PHEX: variants seen among roughly 807,000 people sequenced by gnomAD.
The protein encoded by PHEX is phosphate regulating endopeptidase X-linked, also known as phosphate-regulating neutral endopeptidase PHEX.
PHEX carries 16 observed loss-of-function variants against 68.0 expected under a neutral mutation model. The observed-to-expected ratio is 0.24, with a 90% CI of 0.16 to 0.36. The LOEUF is 0.36. Among genes scored for constraint, PHEX ranks in the 10% least tolerant of loss-of-function variants. The pLI is 1.00. For synonymous variants in PHEX, 208 were observed against 205.1 expected, an observed-to-expected ratio of 1.01 and a Z score of -0.12; for missense variants, 480 against 575.5, an observed-to-expected ratio of 0.83 and a Z score of 1.70.
At position 22,238,215 on chromosome X, in the gene PHEX, G is replaced by T. The variant is rs1029803901; in HGVS notation, c.2071-7118G>T. 8.0e-5 allele frequency among the ~76,000 whole-genome samples: 9 copies of T among 112,479 alleles called. 1 individual carries two copies. The highest frequency in any genetic ancestry group is 1.9e-4 in the African/African-American group (6 of 30,959). On this transcript the variant is annotated intron_variant, in intron 20 of 21. Coordinates refer to ENST00000379374, the MANE Select transcript of PHEX (RefSeq NM_000444.6). ...TTGACACAGAAGGCGGGTGATTTCT[G>T]CATTTCCAACTGAGGTACCCGGTTC...
chrX:22,218,209 C>A (rs1268270357), intron 16 of PHEX, among the ~76,000 whole-genome samples: 1 of 111,118 alleles, frequency 9.0e-6, no homozygotes, highest in African/African-American at 3.3e-5. Flanking sequence ...CAAGTGACTT[C>A]CAAGAAGGTG....
chrX:22,209,112 G>A (rs1258107186), intron 15 of PHEX, among the ~76,000 whole-genome samples: 1 of 111,569 alleles, frequency 9.0e-6, no homozygotes, highest in Non-Finnish European at 1.9e-5. Context: ...AGGGTTACAT[G>A]AAATTGGAAG....
chrX:22,126,371 T>C (rs1284300497), intron 11 of PHEX, among the ~76,000 whole-genome samples: 1 of 111,844 alleles, frequency 8.9e-6, no homozygotes, highest in Non-Finnish European at 1.9e-5. Flanking sequence ...TTCATGGGTA[T>C]GAGATAGGAT....
At position 22,247,902 on chromosome X, in the gene PHEX, T is replaced by C; in HGVS notation, c.2199T>C (p.Cys733=). 1 of 1,209,240 alleles carries C rather than the reference T, an allele frequency of 8.3e-7. No individual in the cohort carries two copies. Among genetic ancestry groups the C allele is most frequent in the South Asian group, 1.8e-5 (1 of 56,916 alleles). The change falls in exon 22 of 22, where the codon TGT becomes TGC. Residue 733 remains cysteine (C), a synonymous_variant. Transcript: ENST00000379374. ...AAGAATTCCAGAAAGCTTTTAACTG[T>C]CCACCCAATTCCACGATGAACAGAG... The part of the protein sequence containing the change: ...NFEEFQKAFN[C]PPNSTMNRGM...
rs747454033 is a variant in PHEX, at chrX:22,080,431, GATATA to G, written c.663+2737_663+2741del. ...CATCTGAACTAATTGCCTTCCCTCA[GATATA>G]ATATAATTATAGTCTTCCTGATGAC... On this transcript the variant is annotated intron_variant, in intron 5 of 21. Coordinates refer to ENST00000379374, the MANE Select transcript of PHEX (RefSeq NM_000444.6). Among the ~76,000 whole-genome samples the G allele has an allele frequency of 7.2e-3, 802 of 111,111 alleles. 6 individuals carry two copies. The highest frequency in any genetic ancestry group is 0.025 in the African/African-American group (760 of 30,563).
chrX:22,077,885 GT>G (rs1929229685), intron 5 of PHEX, among the ~76,000 whole-genome samples, 183 bp downstream of exon 5: 1 of 112,117 alleles, frequency 8.9e-6, no homozygotes, highest in Admixed American at 9.5e-5. Context: ...TACCATACAA[GT>G]TTTGTAAGCC....
chrX:22,148,607 G>A (rs1203976785), intron 12 of PHEX, among the ~76,000 whole-genome samples: 1 of 110,601 alleles, frequency 9.0e-6, no homozygotes, highest in Non-Finnish European at 1.9e-5. Flanking sequence ...GAAATTTTGT[G>A]CCCTTTAATC....
chrX:22,155,216 C>T (rs1932925758), intron 12 of PHEX, among the ~76,000 whole-genome samples: 1 of 112,931 alleles, frequency 8.9e-6, no homozygotes, highest in South Asian at 3.6e-4. Flanking sequence ...CCAGCCCACA[C>T]TTGTCTAATT....
At chrX:22,234,164 C>T (rs1205919348) in intron 20 of PHEX, among the ~76,000 whole-genome samples, 2 of 113,037 alleles carry the variant, frequency 1.8e-5, no homozygotes, top group Non-Finnish European at 3.7e-5. Flanking sequence ...CCTCCGGAAG[C>T]TTTGCCCCAG....
intron 12 of PHEX, among the ~76,000 whole-genome samples, chrX:22,136,801 A>G (rs1319278775): frequency 8.9e-6 from 1 of 111,742 alleles, no homozygotes; most frequent in Admixed American, 9.5e-5. Flanking sequence ...ATAAATGAGG[A>G]TGCCTCTGCT....
intron 21 of PHEX, 105 bp downstream of exon 21, chrX:22,245,514 T>A: frequency 1.7e-6 from 1 of 589,385 alleles, no homozygotes; most frequent in East Asian, 3.3e-5. Context: ...CTGAAAAAAA[T>A]CCCACATTGT....
rs1569406160 is a variant in PHEX, at chrX:22,133,560, T to C, written c.1340T>C (p.Ile447Thr). 1 of 1,210,369 alleles carries C rather than the reference T, an allele frequency of 8.3e-7. No homozygotes were observed. The highest frequency in any genetic ancestry group is 1.1e-6 in the Non-Finnish European group (1 of 894,374). ...GTTGAGGGCGTTCGCTGGGCCTTTA[T>C]TGACATGCTAGAGAAAGAAAATGAG... ...ELVEGVRWAFIDMLEKENEWM... is the reference protein window; with the variant it reads ...ELVEGVRWAFTDMLEKENEWM... Residue 447 changes from isoleucine (I) to threonine (T), a missense_variant, in exon 12 of 22, where the codon ATT becomes ACT. Transcript: ENST00000379374.
At chrX:22,152,197 C>T (rs965434682) in intron 12 of PHEX, among the ~76,000 whole-genome samples, 5 of 109,394 alleles carry the variant, frequency 4.6e-5, no homozygotes, top group South Asian at 4.0e-4. Flanking sequence ...GGGTGAGTTG[C>T]GCTCATTTTC....
At chrX:22,052,182 T>G in intron 3 of PHEX, among the ~76,000 whole-genome samples, 1 of 112,387 alleles carries the variant, frequency 8.9e-6, no homozygotes, top group Middle Eastern at 4.6e-3. Context: ...TATAAAATTA[T>G]ACATATCTTC....
intron 14 of PHEX, among the ~76,000 whole-genome samples, 170 bp from the exon 15 acceptor site, chrX:22,190,274 C>A (rs1934155503): frequency 8.9e-6 from 1 of 111,943 alleles, no homozygotes; most frequent in Admixed American, 9.5e-5. Context: ...TGAGATTGTT[C>A]ATTGAGCAGT....
chrX:22,221,596 A>T lies in PHEX; in HGVS notation c.1769-17A>T. 1.7e-6 allele frequency: 2 copies of T among 1,187,801 alleles called. No individual in the cohort carries two copies. The highest frequency in any genetic ancestry group is 2.3e-6 in the Non-Finnish European group (2 of 873,849). On this transcript the variant is annotated splice_polypyrimidine_tract_variant and intron_variant, in intron 17 of 21. Coordinates refer to ENST00000379374, the MANE Select transcript of PHEX (RefSeq NM_000444.6). ...CCATAAATAACACAAATGTCTTCGA[A>T]CTTTTCCTTTTGCTAGGTAGAAAAT...
intron 15 of PHEX, among the ~76,000 whole-genome samples, chrX:22,211,920 A>C (rs1278274760): frequency 8.9e-6 from 1 of 111,862 alleles, no homozygotes; most frequent in Non-Finnish European, 1.9e-5. Context: ...ATTCACTACC[A>C]TGAGAACAGT....
intron 3 of PHEX, among the ~76,000 whole-genome samples, chrX:22,055,200 A>AAAAAAAAAAAAAAAAAAAAAC (rs1928036519): frequency 1.2e-5 from 1 of 83,324 alleles, no homozygotes; most frequent in Non-Finnish European, 2.3e-5. Context: ...AAAAAAAAAA[A>AAAAAAAAAAAAAAAAAAAAAC]AAAAAAAAAA....
At chrX:22,035,872 T>G (rs1464747570) in intron 1 of PHEX, among the ~76,000 whole-genome samples, 1 of 108,088 alleles carries the variant, frequency 9.3e-6, no homozygotes, top group Non-Finnish European at 1.9e-5. Context: ...TTTCATTCAC[T>G]TACACCTTCA....
Sources: allele counts gnomAD v4.1 joint callset (sites outside exome capture counted in the v4.1 genomes callset), GRCh38; gene constraint gnomAD v4.1.1; transcripts MANE v1.5; gene names NCBI Gene and HGNC (gene_info 2026-07-23, HGNC 2026-07-21).